Variants in TANC2 observed in about 807,000 individuals in gnomAD.
The protein encoded by TANC2 is tetratricopeptide repeat, ankyrin repeat and coiled-coil containing 2, also known as protein TANC2.
TANC2 carries 26 observed loss-of-function variants against 210.5 expected under a neutral mutation model. The ratio of observed to expected loss-of-function variants is 0.12; its 90% CI spans 0.09 to 0.17. The LOEUF is 0.17. TANC2 is among the 10% of genes least tolerant of loss of function. The pLI is 1.00. For missense variants in TANC2, 2,129 were observed against 2,608.9 expected, an observed-to-expected ratio of 0.82 and a Z score of 4.01; for synonymous variants, 931 against 967.1, an observed-to-expected ratio of 0.96 and a Z score of 0.69.
At chr17:63,383,094 G>T (rs758530217) in intron 15 of TANC2, among the ~76,000 whole-genome samples, 6 of 152,126 alleles carry the variant, frequency 3.9e-5, no homozygotes, top group Non-Finnish European at 8.8e-5. Flanking sequence ...TATAAAAGTT[G>T]AACAGAAAGT....
chr17:63,365,172 A>G (rs1054309439), intron 14 of TANC2, among the ~76,000 whole-genome samples: 3 of 152,196 alleles, frequency 2.0e-5, no homozygotes, highest in Admixed American at 2.0e-4. Context: ...ACATGACAGC[A>G]TATTCTCTTT....
chr17:63,098,099 T>A (rs1023666277), intron 3 of TANC2, among the ~76,000 whole-genome samples: 1 of 152,186 alleles, frequency 6.6e-6, no homozygotes, highest in Non-Finnish European at 1.5e-5. Flanking sequence ...CTGGTTTATA[T>A]GGCTTCTGTA....
At chr17:63,045,234 C>T (rs966248259) in intron 2 of TANC2, among the ~76,000 whole-genome samples, 3 of 152,122 alleles carry the variant, frequency 2.0e-5, no homozygotes, top group Non-Finnish European at 4.4e-5. Flanking sequence ...GGAGCATATG[C>T]TCTGCAAAGC....
chr17:63,411,556 G>C, exon 22 of TANC2: 2 of 1,613,936 alleles, frequency 1.2e-6, no homozygotes, highest in Non-Finnish European at 1.7e-6. Context: ...ACAGCCCTCA[G>C]CTGGGCTTGT....
chr17:63,390,673 G>T (rs558705915), intron 17 of TANC2: 11 of 152,038 alleles, frequency 7.2e-5, no homozygotes, highest in Admixed American at 7.2e-4. Context: ...TATATTGCTC[G>T]GAGGTTTGCT....
chr17:63,134,969 C>G (rs1049600623), intron 4 of TANC2, among the ~76,000 whole-genome samples: 2 of 152,172 alleles, frequency 1.3e-5, no homozygotes, highest in Non-Finnish European at 2.9e-5. Flanking sequence ...GCACACCTAG[C>G]AGTTTGGGAG....
chr17:63,090,818 A>C lies in TANC2; in HGVS notation c.140-8357A>C, dbSNP rs368095072. On this transcript the variant is annotated intron_variant, in intron 3 of 27. Transcript: ENST00000689528. ...ACAGTGGTTGAACTAGTTTACAGTCACACCAACAGTGTAAAAGTGTTCCTA... is the reference window on the plus strand; with the variant it reads ...ACAGTGGTTGAACTAGTTTACAGTCCCACCAACAGTGTAAAAGTGTTCCTA... Among the ~76,000 whole-genome samples the C allele has an allele frequency of 5.3e-5, 8 of 150,958 alleles. No homozygotes were observed. The East Asian group carries it at 9.8e-4, about 18-fold the overall frequency.
At chr17:63,349,470 T>G (rs1213312028) in intron 12 of TANC2, among the ~76,000 whole-genome samples, 1 of 152,202 alleles carries the variant, frequency 6.6e-6, no homozygotes, top group Non-Finnish European at 1.5e-5. Context: ...AAAGGAGATA[T>G]AATTGAAGGG....
At chr17:63,374,272 G>C (rs992563656) in intron 14 of TANC2, among the ~76,000 whole-genome samples, 4 of 151,918 alleles carry the variant, frequency 2.6e-5, no homozygotes, top group Non-Finnish European at 5.9e-5. Context: ...TCCTGGACTC[G>C]AGCGACCCTC....
rs575200178 is a variant in TANC2 at position 63,198,434 on chromosome 17, A to G, written c.583-2337A>G. On this transcript the variant is annotated intron_variant, in intron 6 of 27. Coordinates refer to ENST00000689528, the Ensembl canonical transcript of TANC2. ...GGTCTCAAACTCCTGGCCTCAAGCA[A>G]TCCGCCTGCCTCAAGCCTCCCAAAG... is the stretch of plus-strand genomic sequence containing the variant. 4.6e-5 allele frequency among the ~76,000 whole-genome samples: 7 copies of G among 152,212 alleles called. No homozygotes were observed. The South Asian group carries it at 1.5e-3, about 32-fold the overall frequency.
At position 63,178,028 on chromosome 17, in the gene TANC2, C is replaced by T. The variant is rs975236045; in HGVS notation, c.434-15963C>T. Among the ~76,000 whole-genome samples, 5 of 152,248 alleles carry T rather than the reference C, an allele frequency of 3.3e-5. No homozygotes were observed. In the South Asian group the frequency reaches 6.2e-4, roughly 19 times the overall value. ...AAGGGCACTAATAAATATGGAGCAG[C>T]GCCTTAAAACCAACTGCCCTGGGCC... is the stretch of plus-strand genomic sequence containing the variant. On this transcript the variant is annotated intron_variant, in intron 5 of 27. Transcript: ENST00000689528.
At chr17:63,231,119 G>A (rs2042464492) in intron 7 of TANC2, among the ~76,000 whole-genome samples, 1 of 152,010 alleles carries the variant, frequency 6.6e-6, no homozygotes, top group Admixed American at 6.6e-5. Flanking sequence ...CATTTGCTTG[G>A]TAAGTTTCCC....
intron 1 of TANC2, among the ~76,000 whole-genome samples, chr17:62,976,968 C>G (rs1034801689): frequency 1.2e-4 from 19 of 152,306 alleles, no homozygotes; most frequent in African/African-American, 4.6e-4. Context: ...CCCGTTCCAG[C>G]CGATGGAAAC....
Position 63,316,606 on chromosome 17 carries a change from G to C in TANC2, c.1441+1937G>C, listed in dbSNP as rs568703498. On this transcript the variant is annotated intron_variant, in intron 10 of 27. Coordinates refer to ENST00000689528, the Ensembl canonical transcript of TANC2. The stretch of plus-strand genomic sequence containing the variant: ...GAGATAAACATCCGTTGTTGAGACT[G>C]TAGATTTGGTCTGACAGTTAACTTT... Among the ~76,000 whole-genome samples the C allele has an allele frequency of 1.0e-3, 157 of 152,300 alleles. 2 individuals carry two copies. Among genetic ancestry groups the C allele is most frequent in the Middle Eastern group, 6.8e-3 (2 of 294 alleles).
At chr17:63,283,540 G>A (rs1020952992) in intron 9 of TANC2, among the ~76,000 whole-genome samples, 15 of 151,592 alleles carry the variant, frequency 9.9e-5, no homozygotes, top group Non-Finnish European at 7.4e-5. Context: ...ATGGACAGAC[G>A]TACAGACAGA....
intron 21 of TANC2, 136 bp from the exon 22 acceptor site, chr17:63,411,375 C>A: frequency 1.2e-6 from 1 of 801,978 alleles, no homozygotes; most frequent in Non-Finnish European, 1.9e-6. Flanking sequence ...AACTGGCATA[C>A]CAGCATCAGT....
chr17:63,312,884 G>A (rs960900352), intron 9 of TANC2, among the ~76,000 whole-genome samples: 1 of 152,100 alleles, frequency 6.6e-6, no homozygotes, highest in African/African-American at 2.4e-5. Context: ...TCTGTTGTCA[G>A]AATTTGGCTT....
At chr17:63,168,300 G>A (rs1265356940) in intron 5 of TANC2, among the ~76,000 whole-genome samples, 1 of 152,100 alleles carries the variant, frequency 6.6e-6, no homozygotes, top group African/African-American at 2.4e-5. Flanking sequence ...AAGAGATGAG[G>A]TCCTGTGATT....
intron 8 of TANC2, among the ~76,000 whole-genome samples, chr17:63,264,426 A>G (rs796930099): frequency 3.9e-5 from 6 of 152,266 alleles, no homozygotes; most frequent in African/African-American, 1.4e-4. Flanking sequence ...TGCAGAGATA[A>G]CCAGTAGCTC....
Sources: gnomAD v4.1 joint callset for allele counts (sites outside exome capture counted in the v4.1 genomes callset) on GRCh38, gnomAD v4.1.1 for gene constraint, MANE v1.5 for transcripts, NCBI Gene and HGNC (gene_info 2026-07-23, HGNC 2026-07-21) for gene names.